The following GSTCD variants were observed in gnomAD, a reference collection of about 807,000 sequenced individuals.
GSTCD encodes the protein glutathione S-transferase C-terminal domain containing.
A neutral mutation model predicts 68.3 loss-of-function variants in GSTCD; 44 were observed. That is an observed-to-expected ratio of 0.64 (90% confidence interval 0.51 to 0.83). The LOEUF (loss-of-function observed/expected upper bound fraction) is 0.83, where lower values mean the gene tolerates loss of function less well. Among genes scored for constraint, GSTCD ranks in the 40% least tolerant of loss-of-function variants. The probability of loss-of-function intolerance (pLI) is 0.00; values close to 1 mark genes in which losing one functional copy is unlikely to be tolerated. For missense variants in GSTCD, 739 were observed against 735.9 expected (o/e 1.00, Z -0.05); for synonymous variants, 273 against 255.2 (o/e 1.07, Z -0.67).
intron 5 of GSTCD, among the ~76,000 whole-genome samples, chr4:105,789,476 G>A (rs978663387): frequency 2.0e-5 from 3 of 151,898 alleles, no homozygotes; most frequent in African/African-American, 7.3e-5. Flanking sequence ...TCTGTTAGCA[G>A]GATCCTGTTC....
intron 5 of GSTCD, among the ~76,000 whole-genome samples, chr4:105,781,392 C>T (rs550030162): frequency 9.9e-5 from 15 of 151,488 alleles, no homozygotes; most frequent in Non-Finnish European, 1.5e-4. Flanking sequence ...GGAATACAGG[C>T]GTGTGCCATC....
chr4:105,784,713 T>C (rs1266130807), intron 5 of GSTCD, among the ~76,000 whole-genome samples: 1 of 152,248 alleles, frequency 6.6e-6, no homozygotes, highest in Admixed American at 6.5e-5. Flanking sequence ...TTATCATTTG[T>C]TTTCTTTATC....
intron 1 of GSTCD, among the ~76,000 whole-genome samples, chr4:105,717,263 A>T (rs753917134): frequency 6.6e-6 from 1 of 152,198 alleles, no homozygotes; most frequent in South Asian, 2.1e-4. Flanking sequence ...ATTTTTGGTT[A>T]ATTTATTTCC....
chr4:105,719,536 T>C lies in GSTCD; in HGVS notation c.894+9T>C. On this transcript the variant is annotated intron_variant, in intron 3 of 11. Coordinates refer to ENST00000515279, the MANE Select transcript of GSTCD (RefSeq NM_001370181.1). ...GTATCCATCATTTCTTGGTAAGGTT[T>C]CATCTGGACTGTACACATTACTATG... is the stretch of plus-strand genomic sequence containing the variant. 1 of 1,584,944 alleles carries C rather than the reference T, an allele frequency of 6.3e-7. No individual in the cohort carries two copies. The highest frequency in any genetic ancestry group is 8.7e-7 in the Non-Finnish European group (1 of 1,153,614).
At chr4:105,836,166 A>T (rs1402371557) in intron 9 of GSTCD, among the ~76,000 whole-genome samples, 1 of 152,062 alleles carries the variant, frequency 6.6e-6, no homozygotes. Flanking sequence ...GTCTTCAGGC[A>T]GGTCATCTCA....
chr4:105,776,628 A>G (rs949135391), intron 5 of GSTCD, among the ~76,000 whole-genome samples: 6 of 152,062 alleles, frequency 3.9e-5, no homozygotes, highest in Non-Finnish European at 5.9e-5. Context: ...CGGTGAGGCA[A>G]TGCCCCACCC....
In GSTCD at chr4:105,747,670, T is replaced by C. The variant is rs111411123; in HGVS notation, c.1240+18171T>C. Among the ~76,000 whole-genome samples, 1,000 of 152,314 alleles carry C rather than the reference T, an allele frequency of 6.6e-3. 14 individuals carry two copies. The highest frequency in any genetic ancestry group is 0.023 in the African/African-American group (942 of 41,562). The stretch of plus-strand genomic sequence containing the variant: ...GTGCCATTTGCTAACTATAAGAATG[T>C]CTATTTTAGACCAGTTATACTGACA... On this transcript the variant is annotated intron_variant, in intron 5 of 11. Coordinates refer to ENST00000515279, the MANE Select transcript of GSTCD (RefSeq NM_001370181.1).
At position 105,822,517 on chromosome 4, in the gene GSTCD, T is replaced by C. The variant is rs116028937; in HGVS notation, c.1241-437T>C. Among the ~76,000 whole-genome samples the C allele has an allele frequency of 8.7e-3, 1,325 of 152,186 alleles. 8 individuals carry two copies. Among genetic ancestry groups the C allele is most frequent in the Non-Finnish European group, 0.016 (1,063 of 67,942 alleles). On this transcript the variant is annotated intron_variant, in intron 5 of 11. Transcript: ENST00000515279. ...CTCTCTATAAGGAGATTAAGCAATG[T>C]GTTGAAATTAGGTACTCTTTACAAT...
intron 5 of GSTCD, among the ~76,000 whole-genome samples, chr4:105,800,284 A>G (rs924218720): frequency 6.6e-6 from 1 of 152,250 alleles, no homozygotes; most frequent in Middle Eastern, 3.4e-3. Context: ...AAACAACCAG[A>G]TCCCATGAGA....
intron 7 of GSTCD, among the ~76,000 whole-genome samples, chr4:105,825,038 A>G (rs1162973933): frequency 6.6e-6 from 1 of 151,836 alleles, no homozygotes; most frequent in Non-Finnish European, 1.5e-5. Flanking sequence ...AACGCTTATC[A>G]CACTGTATTA....
intron 3 of GSTCD, among the ~76,000 whole-genome samples, chr4:105,725,698 A>G (rs1188643780): frequency 1.3e-5 from 2 of 152,044 alleles, no homozygotes; most frequent in African/African-American, 4.8e-5. Context: ...AGTTGCTCCA[A>G]TTTTTATGCT....
intron 10 of GSTCD, 64 bp from the exon 11 acceptor site, chr4:105,842,001 T>C: frequency 8.0e-7 from 1 of 1,244,212 alleles, no homozygotes; most frequent in South Asian, 1.2e-5. Context: ...TTTTTGGTGG[T>C]TGTTTTTATA....
At chr4:105,782,568 T>C (rs1428009334) in intron 5 of GSTCD, among the ~76,000 whole-genome samples, 3 of 151,910 alleles carry the variant, frequency 2.0e-5, no homozygotes, top group African/African-American at 7.3e-5. Context: ...TCATAATATA[T>C]AGGAATTATG....
intron 5 of GSTCD, among the ~76,000 whole-genome samples, chr4:105,737,551 G>A (rs143290762): frequency 5.3e-5 from 8 of 152,080 alleles, no homozygotes; most frequent in Non-Finnish European, 1.2e-4. Context: ...ATAAAAACTT[G>A]CCCAGTCCAA....
rs1215290329 is a variant in GSTCD at position 105,829,825 on chromosome 4, G to A, written c.1530+4025G>A. Among the ~76,000 whole-genome samples the A allele has an allele frequency of 2.0e-5, 3 of 151,756 alleles. No individual in the cohort carries two copies. In the East Asian group the frequency reaches 5.8e-4, roughly 29 times the overall value. On this transcript the variant is annotated intron_variant, in intron 8 of 11. Coordinates refer to ENST00000515279, the MANE Select transcript of GSTCD (RefSeq NM_001370181.1). ...ACATTAGTGAAACAAGGATATAATA[G>A]AAAAAGAGGGAACGATCAGAGAACA...
intron 5 of GSTCD, among the ~76,000 whole-genome samples, chr4:105,757,863 A>G (rs561660876): frequency 2.0e-5 from 3 of 152,326 alleles, no homozygotes; most frequent in Non-Finnish European, 4.4e-5. Context: ...ATTTCAATAT[A>G]AATGAACCAT....
intron 5 of GSTCD, among the ~76,000 whole-genome samples, chr4:105,808,918 C>T (rs550797699): frequency 2.8e-4 from 43 of 152,084 alleles, no homozygotes; most frequent in African/African-American, 1.0e-3. Context: ...ATGATCAGAT[C>T]GACAGCTGCA....
At chr4:105,766,072 C>G (rs886540251) in intron 5 of GSTCD, among the ~76,000 whole-genome samples, 1 of 152,150 alleles carries the variant, frequency 6.6e-6, no homozygotes, top group Non-Finnish European at 1.5e-5. Context: ...AAATAGGAAC[C>G]ATTCTAAATA....
intron 5 of GSTCD, among the ~76,000 whole-genome samples, chr4:105,821,583 C>T (rs1276040387): frequency 6.6e-6 from 1 of 151,508 alleles, no homozygotes; most frequent in African/African-American, 2.4e-5. Flanking sequence ...AAGGATGTGA[C>T]AAAAGAATCA....
Sources: allele counts gnomAD v4.1 joint callset (sites outside exome capture counted in the v4.1 genomes callset), GRCh38; gene constraint gnomAD v4.1.1; transcripts MANE v1.5; gene names NCBI Gene and HGNC (gene_info 2026-07-23, HGNC 2026-07-21).